OR2J2: variants seen among roughly 807,000 people sequenced by gnomAD.
The protein encoded by OR2J2 is olfactory receptor 2J2.
A neutral mutation model predicts 16.9 loss-of-function variants in OR2J2; 13 were observed. The ratio of observed to expected loss-of-function variants is 0.77; its 90% confidence interval spans 0.50 to 1.23. The LOEUF (loss-of-function observed/expected upper bound fraction) is 1.23, where lower values mean the gene tolerates loss of function less well. Ranked by LOEUF, OR2J2 falls within the 50% of genes most tolerant of loss-of-function variation. The pLI, the probability that OR2J2 is intolerant of heterozygous loss-of-function variation, is 0.00. For synonymous variants in OR2J2, 125 were observed against 141.2 expected (o/e 0.89, Z 0.81); for missense variants, 341 against 379.1 (o/e 0.90, Z 0.84).
rs138364537 is a variant in OR2J2 at position 29,174,007 on chromosome 6, T to C, written c.372T>C (p.Tyr124=). 3.8e-3 allele frequency: 6,067 copies of C among 1,613,092 alleles called. 24 individuals carry two copies. Among genetic ancestry groups the C allele is most frequent in the Non-Finnish European group, 4.6e-3 (5,447 of 1,179,734 alleles). ...TGGTGGTGATGTCATATGATCGTTATGTAGCTGTGTGTAGACCTTTGCATT... is the reference window on the plus strand; with the variant it reads ...TGGTGGTGATGTCATATGATCGTTACGTAGCTGTGTGTAGACCTTTGCATT... ...VLLVVMSYDR[Y]VAVCRPLHYT... is the part of the protein sequence containing the mutation. Residue 124 remains tyrosine (Y), a synonymous_variant, in exon 2 of 2, where the codon TAT becomes TAC. Coordinates refer to ENST00000641417, the MANE Select transcript of OR2J2 (RefSeq NM_030905.3).
At chr6:29,171,465 G>A (rs1016426742) in intron 1 of OR2J2, among the ~76,000 whole-genome samples, 2 of 152,006 alleles carry the variant, frequency 1.3e-5, no homozygotes, top group Non-Finnish European at 2.9e-5. Context: ...TAAAAAAAGA[G>A]AGAAGATATT....
intron 1 of OR2J2, chr6:29,173,274 C>G (rs2151019079): frequency 5.5e-6 from 1 of 180,854 alleles, no homozygotes; most frequent in East Asian, 1.5e-4. Flanking sequence ...TCTGTAATTG[C>G]AAAATTGGAA....
At position 29,174,502 on chromosome 6, in the gene OR2J2, A is replaced by G; in HGVS notation, c.867A>G (p.Leu289=). 1 of 1,613,430 alleles carries G rather than the reference A, an allele frequency of 6.2e-7. No individual in the cohort carries two copies. The highest frequency in any genetic ancestry group is 8.5e-7 in the Non-Finnish European group (1 of 1,179,812). ...YTVVTPSLNP[L]IYTLRNKHVK... ...TTGTCACACCGAGTCTTAATCCTCT[A>G]ATCTACACTCTCAGAAACAAGCATG... Residue 289 remains leucine (L), a synonymous_variant, in exon 2 of 2, where the codon CTA becomes CTG. Coordinates refer to ENST00000641417, the MANE Select transcript of OR2J2 (RefSeq NM_030905.3).
chr6:29,174,719 T>A lies in OR2J2; in HGVS notation c.*145T>A. ...TCAGTCTCACATTTGTTGCTCTTTT[T>A]ATTATTTAGTTCTGAAATATTATGT... is the stretch of plus-strand genomic sequence containing the variant. On this transcript the variant is annotated 3_prime_UTR_variant, in exon 2 of 2. Coordinates refer to ENST00000641417, the MANE Select transcript of OR2J2 (RefSeq NM_030905.3). 1 of 579,114 alleles carries A rather than the reference T, an allele frequency of 1.7e-6. No individual in the cohort carries two copies. The highest frequency in any genetic ancestry group is 3.0e-5 in the East Asian group (1 of 33,844). The allele number at this position is 579,114 out of a possible 1,614,324, so 35.9% of individuals were successfully genotyped here. A position where few individuals can be genotyped will look rare whatever the true frequency, so the allele number is the denominator to read the frequency against.
At position 29,174,195 on chromosome 6, in the gene OR2J2, G is replaced by A. The variant is rs779291311; in HGVS notation, c.560G>A (p.Arg187His). ...TTCTGTGAAGTTCCAGCACTTCTGC[G>A]TTTATCATGTGTTGACACCCATGCA... ...HFFCEVPALLRLSCVDTHANE... is the reference protein window; with the variant it reads ...HFFCEVPALLHLSCVDTHANE... The change falls in exon 2 of 2, where the codon CGT (arginine) becomes CAT (histidine). Residue 187 changes from arginine to histidine, a missense_variant. Coordinates refer to ENST00000641417, the MANE Select transcript of OR2J2 (RefSeq NM_030905.3). 46 of 1,613,418 alleles carry A rather than the reference G, an allele frequency of 2.9e-5. 1 individual carries two copies. The highest frequency in any genetic ancestry group is 1.6e-4 in the Middle Eastern group (1 of 6,078).
In OR2J2 at chr6:29,174,507, A is replaced by G. The variant is rs777786039; in HGVS notation, c.872A>G (p.Tyr291Cys). The G allele has an allele frequency of 4.3e-6, 7 of 1,613,664 alleles. No individual in the cohort carries two copies. In the Admixed American group the frequency reaches 5.0e-5, roughly 12 times the overall value. ...ACACCGAGTCTTAATCCTCTAATCT[A>G]CACTCTCAGAAACAAGCATGTAAAA... ...VVTPSLNPLI[Y>C]TLRNKHVKGA... is the part of the protein sequence containing the mutation. The change falls in exon 2 of 2, where the codon TAC becomes TGC. Residue 291 changes from tyrosine (Y) to cysteine (C), a missense_variant. Transcript: ENST00000641417.
chr6:29,173,527 T>C (rs1254661647), intron 1 of OR2J2, 92 bp from the exon 2 acceptor site: 8 of 785,100 alleles, frequency 1.0e-5, no homozygotes, highest in Non-Finnish European at 1.7e-5. Flanking sequence ...GCACACTCTC[T>C]GGAAGTGGGA....
chr6:29,171,855 C>T (rs2151017509), intron 1 of OR2J2, among the ~76,000 whole-genome samples: 1 of 152,204 alleles, frequency 6.6e-6, no homozygotes, highest in Middle Eastern at 3.4e-3. Context: ...ATGCTCATTC[C>T]ATTACCAACA....
Position 29,170,967 on chromosome 6 carries a change from T to G in OR2J2, c.-156T>G, listed in dbSNP as rs1490565081. 1 of 152,120 alleles carries G rather than the reference T, an allele frequency of 6.6e-6. No individual in the cohort carries two copies. The highest frequency in any genetic ancestry group is 6.6e-5 in the Admixed American group (1 of 15,258). 9.4% of individuals were successfully genotyped at this position (152,120 alleles called of 1,614,324 possible). Reference sequence around the variant, plus strand: ...TTCTTCATAGTTAGATTTAAAACATTGGCAAAAATGTTATAAGAAGGCAAT... The same window carrying G: ...TTCTTCATAGTTAGATTTAAAACATGGGCAAAAATGTTATAAGAAGGCAAT... On this transcript the variant is annotated 5_prime_UTR_variant, in exon 1 of 2. In the 5' UTR this introduces an upstream ATG that the reference lacks. Coordinates refer to ENST00000641417, the MANE Select transcript of OR2J2 (RefSeq NM_030905.3).
Position 29,173,916 on chromosome 6 carries a change from C to A in OR2J2, c.281C>A (p.Ser94Ter). ...VNLRGPEKTI[S>*]YAGCMVQLYF... ...CTCCGGGGCCCGGAAAAGACCATCTCGTATGCTGGTTGCATGGTTCAACTT... is the reference window on the plus strand; with the variant it reads ...CTCCGGGGCCCGGAAAAGACCATCTAGTATGCTGGTTGCATGGTTCAACTT... Residue 94 changes from serine (S) to a stop codon, truncating the protein, a stop_gained, in exon 2 of 2, where the codon TCG (serine) becomes TAG (stop). Transcript: ENST00000641417. LOFTEE classifies it high-confidence loss of function. The A allele has an allele frequency of 6.2e-7, 1 of 1,611,812 alleles. No homozygotes were observed. The highest frequency in any genetic ancestry group is 8.5e-7 in the Non-Finnish European group (1 of 1,179,496).
chr6:29,172,379 G>C (rs964681832), intron 1 of OR2J2, among the ~76,000 whole-genome samples: 4 of 152,176 alleles, frequency 2.6e-5, no homozygotes, highest in Admixed American at 2.6e-4. Flanking sequence ...ATTTATCAGA[G>C]AGTATAAGAG....
Position 29,174,564 on chromosome 6 carries a change from G to A in OR2J2, c.929G>A (p.Trp310Ter). 6.3e-7 allele frequency: 1 copy of A among 1,599,370 alleles called. No individual in the cohort carries two copies. Among genetic ancestry groups the A allele is most frequent in the Non-Finnish European group, 8.5e-7 (1 of 1,172,730 alleles). The change falls in exon 2 of 2, where the codon TGG (tryptophan) becomes TAG (stop). Residue 310 changes from tryptophan to a stop codon, truncating the protein, a stop_gained. Transcript: ENST00000641417. LOFTEE classifies it high-confidence loss of function. Reference sequence around the variant, plus strand: ...GCGAAGAGACTATTGGGGTGGGAGTGGGGGAAGTGACAGGGAAATCATGTT... The same window carrying A: ...GCGAAGAGACTATTGGGGTGGGAGTAGGGGAAGTGACAGGGAAATCATGTT... Reference protein sequence around the residue: ...GAAKRLLGWEWGK With the variant: ...GAAKRLLGWE
Position 29,174,831 on chromosome 6 carries a change from GTAAA to G in OR2J2, c.*263_*266del. On this transcript the variant is annotated 3_prime_UTR_variant, in exon 2 of 2. Coordinates refer to ENST00000641417, the MANE Select transcript of OR2J2 (RefSeq NM_030905.3). ...GAAAATTGTGGACTGTGGTTTCAAC[GTAAA>G]TAAATGTGCATGCGAATAGTTATGA... 1 of 417,050 alleles carries G rather than the reference GTAAA, an allele frequency of 2.4e-6. No homozygotes were observed. The highest frequency in any genetic ancestry group is 4.2e-6 in the Non-Finnish European group (1 of 237,354). The allele number at this position is 417,050 out of a possible 1,614,324, so 25.8% of individuals were successfully genotyped here.
chr6:29,171,702 G>A (rs1315327350), intron 1 of OR2J2, among the ~76,000 whole-genome samples: 1 of 151,996 alleles, frequency 6.6e-6, no homozygotes, highest in Non-Finnish European at 1.5e-5. Flanking sequence ...AACTCAGGCA[G>A]CTGCATTCGG....
At position 29,174,236 on chromosome 6, in the gene OR2J2, A is replaced by G. The variant is rs369758145; in HGVS notation, c.601A>G (p.Met201Val). 15 of 1,613,602 alleles carry G rather than the reference A, an allele frequency of 9.3e-6. No individual in the cohort carries two copies. The African/African-American group carries it at 1.9e-4, about 20-fold the overall frequency. ...VDTHANELTL[M>V]VMSSIFVLIP... ...CACCCATGCAAATGAGCTGACCCTC[A>G]TGGTCATGAGCTCCATTTTTGTTCT... The change falls in exon 2 of 2, where the codon ATG becomes GTG. Residue 201 changes from methionine to valine, a missense_variant. Transcript: ENST00000641417.
In OR2J2 at chr6:29,173,955, C is replaced by A. The variant is rs114093208; in HGVS notation, c.320C>A (p.Ala107Glu). 3,689 of 1,611,968 alleles carry A rather than the reference C, an allele frequency of 2.3e-3. 52 individuals carry two copies. In the African/African-American group the frequency reaches 0.034, roughly 15 times the overall value. ...GCMVQLYFVL[A>E]LGITECVLLV... ...ATGGTTCAACTTTACTTTGTTCTTGCACTGGGAATCACAGAGTGTGTCCTA... is the reference window on the plus strand; with the variant it reads ...ATGGTTCAACTTTACTTTGTTCTTGAACTGGGAATCACAGAGTGTGTCCTA... The change falls in exon 2 of 2, where the codon GCA becomes GAA. Residue 107 changes from alanine (A) to glutamate (E), a missense_variant. Transcript: ENST00000641417.
At chr6:29,173,387 A>C in intron 1 of OR2J2, 1 of 404,762 alleles carries the variant, frequency 2.5e-6, no homozygotes, top group Non-Finnish European at 4.4e-6. Context: ...TCATTAATCC[A>C]AATGTTAATT....
rs1765777722 is a variant in OR2J2 at position 29,175,145 on chromosome 6, A to G, written c.*571A>G. 3 of 152,284 alleles carry G rather than the reference A, an allele frequency of 2.0e-5. No homozygotes were observed. Among genetic ancestry groups the G allele is most frequent in the Admixed American group, 2.0e-4 (3 of 15,264 alleles). 9.4% of individuals were successfully genotyped at this position (152,284 alleles called of 1,614,324 possible). A position where few individuals can be genotyped will look rare whatever the true frequency, so the allele number is the denominator to read the frequency against. On this transcript the variant is annotated 3_prime_UTR_variant, in exon 2 of 2. Transcript: ENST00000641417. ...TCTAATTTATCCTGTAGGTCTACAT[A>G]CTTGTCACATTGAACAGTAAACTAA...
In OR2J2 at chr6:29,174,363, G is replaced by T; in HGVS notation, c.728G>T (p.Gly243Val). 6.2e-7 allele frequency: 1 copy of T among 1,613,870 alleles called. No homozygotes were observed. Among genetic ancestry groups the T allele is most frequent in the East Asian group, 2.2e-5 (1 of 44,826 alleles). Residue 243 changes from glycine (G) to valine (V), a missense_variant, in exon 2 of 2, where the codon GGA (glycine) becomes GTA (valine). Gly to Val is a moderately radical substitution (Grantham distance 109). Coordinates refer to ENST00000641417, the MANE Select transcript of OR2J2 (RefSeq NM_030905.3). ...TGLQKVFRTC[G>V]AHLMVVSLFF... Reference sequence around the variant, plus strand: ...CTTCAGAAAGTGTTTAGGACATGTGGAGCCCATCTTATGGTTGTATCTCTC... The same window carrying T: ...CTTCAGAAAGTGTTTAGGACATGTGTAGCCCATCTTATGGTTGTATCTCTC...
Sources: allele counts gnomAD v4.1 joint callset (sites outside exome capture counted in the v4.1 genomes callset), GRCh38; gene constraint gnomAD v4.1.1; transcripts MANE v1.5; gene names NCBI Gene and HGNC (gene_info 2026-07-23, HGNC 2026-07-21).